The following NKAIN3 variants were observed in gnomAD, a reference collection of about 807,000 sequenced individuals.
The protein encoded by NKAIN3 is sodium/potassium-transporting ATPase subunit beta-1-interacting protein 3.
A neutral mutation model predicts 30.2 loss-of-function variants in NKAIN3; 25 were observed. That is an observed-to-expected ratio of 0.83 (90% CI 0.60 to 1.16). The LOEUF is 1.16. NKAIN3 is among the 50% of genes most tolerant of loss of function. NKAIN3 has a pLI of 0.00. For synonymous variants in NKAIN3, 91 were observed against 89.6 expected, an observed-to-expected ratio of 1.02 and a Z score of -0.09; for missense variants, 225 against 254.1, an observed-to-expected ratio of 0.89 and a Z score of 0.78.
intron 4 of NKAIN3, among the ~76,000 whole-genome samples, chr8:62,762,429 C>T (rs1364414588): frequency 6.6e-6 from 1 of 151,914 alleles, no homozygotes; most frequent in Non-Finnish European, 1.5e-5. Context: ...ATGGGTAGAA[C>T]TTAGCAAGTA....
At position 62,979,524 on chromosome 8, in the gene NKAIN3, G is replaced by A. The variant is rs2130922642; in HGVS notation, c.*14117G>A. The A allele has an allele frequency of 6.6e-6, 1 of 152,178 alleles. No individual in the cohort carries two copies. Among genetic ancestry groups the A allele is most frequent in the African/African-American group, 2.4e-5 (1 of 41,512 alleles). 9.4% of individuals were successfully genotyped at this position (152,178 alleles called of 1,614,324 possible). A position where few individuals can be genotyped will look rare whatever the true frequency, so the allele number is the denominator to read the frequency against. ...TGGCCCATTTCTTTAAACAATAAAT[G>A]GTAAATTATTATTTTGGGGAGTGAA... is the stretch of plus-strand genomic sequence containing the variant. On this transcript the variant is annotated 3_prime_UTR_variant, in exon 7 of 7. Coordinates refer to ENST00000623646, the MANE Select transcript of NKAIN3 (RefSeq NM_001304533.3).
At chr8:62,319,971 C>T (rs1417875001) in intron 1 of NKAIN3, among the ~76,000 whole-genome samples, 7 of 152,014 alleles carry the variant, frequency 4.6e-5, no homozygotes, top group Non-Finnish European at 8.8e-5. Context: ...TAGTCTAAGT[C>T]TCTTTGTAGG....
intron 3 of NKAIN3, among the ~76,000 whole-genome samples, chr8:62,730,464 C>T (rs1381681447): frequency 6.6e-6 from 1 of 151,818 alleles, no homozygotes; most frequent in Non-Finnish European, 1.5e-5. Flanking sequence ...TTCTTCTTTT[C>T]TATTATAAAT....
At chr8:62,674,460 G>A (rs978816752) in intron 3 of NKAIN3, among the ~76,000 whole-genome samples, 1 of 152,146 alleles carries the variant, frequency 6.6e-6, no homozygotes, top group East Asian at 1.9e-4. Context: ...AGCTCTTTGT[G>A]CCCAGAACTG....
intron 1 of NKAIN3, among the ~76,000 whole-genome samples, chr8:62,258,378 G>A (rs576686950): frequency 2.0e-5 from 3 of 152,196 alleles, no homozygotes; most frequent in Non-Finnish European, 4.4e-5. Flanking sequence ...TGGGCATAGT[G>A]TCTCAGACCT....
intron 3 of NKAIN3, among the ~76,000 whole-genome samples, chr8:62,716,185 C>A (rs1586122162): frequency 6.6e-6 from 1 of 152,112 alleles, no homozygotes; most frequent in African/African-American, 2.4e-5. Flanking sequence ...TAAGAAGACA[C>A]CCCTTTCCAC....
intron 1 of NKAIN3, among the ~76,000 whole-genome samples, chr8:62,443,729 AT>A (rs1805400952): frequency 6.6e-6 from 1 of 151,866 alleles, no homozygotes; most frequent in African/African-American, 2.4e-5. Context: ...TCAATTAGTT[AT>A]TATTATTTTC....
intron 1 of NKAIN3, among the ~76,000 whole-genome samples, chr8:62,432,694 A>C (rs746048399): frequency 6.6e-6 from 1 of 152,106 alleles, no homozygotes; most frequent in Non-Finnish European, 1.5e-5. Flanking sequence ...ATGGAAATTA[A>C]ATTTTGAATG....
At chr8:62,642,918 A>C (rs745691248) in intron 3 of NKAIN3, among the ~76,000 whole-genome samples, 3 of 152,174 alleles carry the variant, frequency 2.0e-5, no homozygotes, top group Non-Finnish European at 4.4e-5. Flanking sequence ...GATTGAATAA[A>C]ATAAAAAATT....
intron 4 of NKAIN3, among the ~76,000 whole-genome samples, chr8:62,877,728 T>C (rs1198045280): frequency 6.6e-6 from 1 of 152,096 alleles, no homozygotes; most frequent in Admixed American, 6.5e-5. Context: ...GAATTGATAG[T>C]ATCAACAAAG....
chr8:62,969,304 T>G lies in NKAIN3; in HGVS notation c.*3897T>G, dbSNP rs941532571. 5.3e-5 allele frequency among the ~76,000 whole-genome samples: 8 copies of G among 152,362 alleles called. No individual in the cohort carries two copies. The highest frequency in any genetic ancestry group is 8.8e-5 in the Non-Finnish European group (6 of 68,034). ...ACTTAATGAATGGGAAACTCCTGAT[T>G]GAGAAGAATTTGTCTTCATTAAAAC... On this transcript the variant is annotated 3_prime_UTR_variant, in exon 7 of 7. Transcript: ENST00000623646.
intron 1 of NKAIN3, among the ~76,000 whole-genome samples, chr8:62,520,422 A>G (rs1331079189): frequency 6.6e-6 from 1 of 152,146 alleles, no homozygotes; most frequent in Non-Finnish European, 1.5e-5. Context: ...TATTCCAAAT[A>G]TTATCACTTC....
At chr8:62,482,134 G>A (rs1806742457) in intron 1 of NKAIN3, 1 of 152,196 alleles carries the variant, frequency 6.6e-6, no homozygotes, top group Non-Finnish European at 1.5e-5. Flanking sequence ...TTCACTGTTG[G>A]TTATCGTTTT....
chr8:62,791,901 G>A lies in NKAIN3; in HGVS notation c.471+44772G>A, dbSNP rs1318279983. On this transcript the variant is annotated intron_variant, in intron 4 of 6. Transcript: ENST00000623646. ...GTTCTGTCTTTCTTGGCTTTATTGA[G>A]GTACAGTTGACAAAAATTGTATATA... 2.0e-5 allele frequency among the ~76,000 whole-genome samples: 3 copies of A among 151,988 alleles called. No individual in the cohort carries two copies. The East Asian group carries it at 5.8e-4, about 29-fold the overall frequency.
chr8:62,972,128 TA>T lies in NKAIN3; in HGVS notation c.*6722del, dbSNP rs1823849064. ...ATTGGTAGTGTTGTTATTTTCTTGT[TA>T]TTCAGTTTAACAAGTACATAATCAA... is the stretch of plus-strand genomic sequence containing the variant. On this transcript the variant is annotated 3_prime_UTR_variant, in exon 7 of 7. Coordinates refer to ENST00000623646, the MANE Select transcript of NKAIN3 (RefSeq NM_001304533.3). 6.6e-6 allele frequency among the ~76,000 whole-genome samples: 1 copy of T among 152,170 alleles called. No individual in the cohort carries two copies. The highest frequency in any genetic ancestry group is 1.5e-5 in the Non-Finnish European group (1 of 68,034).
At position 62,819,754 on chromosome 8, in the gene NKAIN3, T is replaced by C. The variant is rs751799947; in HGVS notation, c.471+72625T>C. Among the ~76,000 whole-genome samples the C allele has an allele frequency of 2.9e-4, 44 of 152,124 alleles. 1 individual carries two copies. Among genetic ancestry groups the C allele is most frequent in the Middle Eastern group, 3.2e-3 (1 of 316 alleles). ...AACATTCCATGTGTGAGTGATTTTA[T>C]CGGCTCTGAAATTGTAAACCCACAC... On this transcript the variant is annotated intron_variant, in intron 4 of 6. Transcript: ENST00000623646.
At chr8:62,875,761 A>G (rs748500130) in intron 4 of NKAIN3, among the ~76,000 whole-genome samples, 2 of 152,206 alleles carry the variant, frequency 1.3e-5, no homozygotes, top group Non-Finnish European at 2.9e-5. Flanking sequence ...GTGCTTGGAA[A>G]ACAGGCTAGC....
chr8:62,841,053 T>C (rs1288034991), intron 4 of NKAIN3, among the ~76,000 whole-genome samples: 1 of 152,156 alleles, frequency 6.6e-6, no homozygotes, highest in African/African-American at 2.4e-5. Context: ...GGGCTTGTCC[T>C]AATCCCCAGA....
chr8:62,918,309 C>G, intron 4 of NKAIN3, 144 bp from the exon 5 acceptor site: 1 of 672,156 alleles, frequency 1.5e-6, no homozygotes, highest in Non-Finnish European at 2.6e-6. Context: ...CTTTTAAAAT[C>G]ACAGCTATCA....
Sources: gnomAD v4.1 joint callset for allele counts (sites outside exome capture counted in the v4.1 genomes callset) on GRCh38, gnomAD v4.1.1 for gene constraint, MANE v1.5 for transcripts, NCBI Gene and HGNC (gene_info 2026-07-23, HGNC 2026-07-21) for gene names.